Variants in PPP2R3C observed in about 807,000 individuals in gnomAD.
The protein encoded by PPP2R3C is serine/threonine-protein phosphatase 2A regulatory subunit B'' subunit gamma.
A neutral mutation model predicts 63.7 loss-of-function variants in PPP2R3C; 47 were observed. That is an observed-to-expected ratio of 0.74 (90% CI 0.58 to 0.94). The LOEUF (loss-of-function observed/expected upper bound fraction) is 0.94. Ranked by LOEUF, PPP2R3C falls within the 40% of genes least tolerant of loss-of-function variation. PPP2R3C has a pLI of 0.00. For synonymous variants in PPP2R3C, 180 were observed against 177.4 expected (o/e 1.01, Z -0.12); for missense variants, 421 against 518.4 (o/e 0.81, Z 1.82).
intron 2 of PPP2R3C, among the ~76,000 whole-genome samples, chr14:35,115,695 C>G (rs543550882): frequency 6.6e-6 from 1 of 152,256 alleles, no homozygotes; most frequent in South Asian, 2.1e-4. Context: ...GATCTGGGCT[C>G]ACTACAACCT....
Position 35,116,703 on chromosome 14 carries a change from T to G in PPP2R3C, c.93A>C (p.Glu31Asp). 1.3e-6 allele frequency: 2 copies of G among 1,594,608 alleles called. No individual in the cohort carries two copies. The highest frequency in any genetic ancestry group is 2.3e-5 in the South Asian group (2 of 88,588). Reference sequence around the variant, plus strand: ...AGTAATATTTTGTAAATAAATCCATTTCTTCATCTTTTAATTCTTGTTCAC... The same window carrying G: ...AGTAATATTTTGTAAATAAATCCATGTCTTCATCTTTTAATTCTTGTTCAC... ...KKSEQELKDE[E>D]MDLFTKYYSE... Residue 31 changes from glutamate (E) to aspartate (D), a missense_variant, in exon 2 of 13, where the codon GAA becomes GAC. Glu to Asp is a conservative substitution (Grantham distance 45). Around this residue, in one of 3 missense-constraint regions of PPP2R3C, gnomAD observed 143 missense variants for 151.2 expected, o/e 0.95. Transcript: ENST00000261475.
intron 11 of PPP2R3C, among the ~76,000 whole-genome samples, chr14:35,090,268 GTGTTGCTT>G (rs2045761294): frequency 7.4e-6 from 1 of 136,012 alleles, no homozygotes; most frequent in Non-Finnish European, 1.6e-5. Flanking sequence ...TTGAGACCGA[GTGTTGCTT>G]TGCTGCCCAA....
At chr14:35,103,056 T>C (rs561997531) in intron 6 of PPP2R3C, among the ~76,000 whole-genome samples, 33 of 152,300 alleles carry the variant, frequency 2.2e-4, no homozygotes, top group African/African-American at 7.9e-4. Context: ...CCACCGTGCC[T>C]GGCCGTACTT....
In PPP2R3C at chr14:35,095,066, G is replaced by C. The variant is rs750662036; in HGVS notation, c.957C>G (p.Leu319=). ...VFLDRVFQEC[L]TYDGEMDYKT... ...CTACTACCATTTCTCCATCATAAGT[G>C]AGACACTCCTGGAAAACACGGTCTA... The change falls in exon 10 of 13, where the codon CTC becomes CTG. Residue 319 remains leucine, a synonymous_variant. Transcript: ENST00000261475. The C allele has an allele frequency of 2.0e-5, 32 of 1,606,960 alleles. No individual in the cohort carries two copies. Among genetic ancestry groups the C allele is most frequent in the East Asian group, 2.2e-5 (1 of 44,838 alleles).
intron 4 of PPP2R3C, among the ~76,000 whole-genome samples, chr14:35,108,597 T>TG (rs2138686622): frequency 1.3e-5 from 2 of 152,142 alleles, no homozygotes; most frequent in East Asian, 3.9e-4. Context: ...GTATTTATAT[T>TG]GGCCCAGCCA....
chr14:35,089,966 G>A (rs983024711), intron 11 of PPP2R3C, among the ~76,000 whole-genome samples: 4 of 151,910 alleles, frequency 2.6e-5, no homozygotes, highest in Admixed American at 6.6e-5. Flanking sequence ...CAACCCGGCC[G>A]ATTTTTAAAT....
chr14:35,087,902 G>T (rs1458500520), intron 12 of PPP2R3C, 49 bp downstream of exon 12: 2 of 1,369,388 alleles, frequency 1.5e-6, no homozygotes, highest in South Asian at 2.4e-5. Context: ...TAATACAAAT[G>T]ACTATCTCAT....
chr14:35,118,114 G>GAAGT (rs774697926), intron 1 of PPP2R3C, among the ~76,000 whole-genome samples: 1 of 152,174 alleles, frequency 6.6e-6, no homozygotes, highest in Non-Finnish European at 1.5e-5. Flanking sequence ...ACTGACCACT[G>GAAGT]AAGTTAACAA....
chr14:35,110,433 G>A, intron 3 of PPP2R3C, 92 bp downstream of exon 3: 1 of 801,994 alleles, frequency 1.2e-6, no homozygotes, highest in Non-Finnish European at 2.0e-6. Context: ...CTGTAGTACG[G>A]ACTCCATTAG....
At position 35,121,901 on chromosome 14, in the gene PPP2R3C, CTGTT is replaced by C. The variant is rs770910652; in HGVS notation, c.55_58del (p.Asn19LysfsTer8). On this transcript the variant is annotated frameshift_variant and splice_region_variant, in exon 1 of 13. Transcript: ENST00000261475. LOFTEE classifies it high-confidence loss of function. ...AACGGGCTGCCCCTCCCAAAACTCACTGTTTGGACAGGTGTTGGGCGTCGCTAGG... is the reference window on the plus strand; with the variant it reads ...AACGGGCTGCCCCTCCCAAAACTCACTGGACAGGTGTTGGGCGTCGCTAGG... 4.8e-5 allele frequency: 78 copies of C among 1,614,034 alleles called. No individual in the cohort carries two copies. The highest frequency in any genetic ancestry group is 6.3e-5 in the Non-Finnish European group (74 of 1,180,012).
At chr14:35,090,378 A>C (rs2045767237) in intron 11 of PPP2R3C, among the ~76,000 whole-genome samples, 1 of 151,476 alleles carries the variant, frequency 6.6e-6, no homozygotes. Flanking sequence ...AGTAGCTGGG[A>C]TTACAGGCAT....
chr14:35,115,351 T>G (rs992040913), intron 2 of PPP2R3C, among the ~76,000 whole-genome samples: 4 of 150,750 alleles, frequency 2.7e-5, no homozygotes, highest in African/African-American at 9.8e-5. Context: ...AGAGACACGA[T>G]CTCACCAAGT....
chr14:35,105,463 GAGCCACCGCGCCC>G, intron 6 of PPP2R3C, among the ~76,000 whole-genome samples: 1 of 151,860 alleles, frequency 6.6e-6, no homozygotes, highest in African/African-American at 2.4e-5. Flanking sequence ...TTATAGGCAT[GAGCCACCGCGCCC>G]AGCCAAAAGG....
At position 35,085,770 on chromosome 14, in the gene PPP2R3C, G is replaced by T. The variant is rs1309971491; in HGVS notation, c.1182C>A (p.Ile394=). Residue 394 remains isoleucine, a synonymous_variant, in exon 13 of 13, where the codon ATC becomes ATA. Coordinates refer to ENST00000261475, the MANE Select transcript of PPP2R3C (RefSeq NM_017917.4). ...GATCCTTTGGTTTTACCATGTCAAA[G>T]ATTTCATCCTGCAAGAGAAAAAAAA... ...PVSFQDVKDE[I]FDMVKPKDPL... 1.9e-6 allele frequency: 3 copies of T among 1,598,366 alleles called. No individual in the cohort carries two copies. In the East Asian group the frequency reaches 6.7e-5, roughly 36 times the overall value.
intron 1 of PPP2R3C, among the ~76,000 whole-genome samples, chr14:35,119,686 A>AT (rs2046807634): frequency 6.6e-6 from 1 of 151,904 alleles, no homozygotes; most frequent in Non-Finnish European, 1.5e-5. Flanking sequence ...GATGGGTGAT[A>AT]TTAACAGCAC....
intron 6 of PPP2R3C, among the ~76,000 whole-genome samples, chr14:35,103,494 T>C (rs2046258472): frequency 6.6e-6 from 1 of 152,246 alleles, no homozygotes; most frequent in Non-Finnish European, 1.5e-5. Context: ...TGTTTTATTT[T>C]CTACATATAA....
intron 7 of PPP2R3C, among the ~76,000 whole-genome samples, chr14:35,097,045 C>T (rs1048860005): frequency 1.3e-5 from 2 of 152,110 alleles, no homozygotes; most frequent in African/African-American, 2.4e-5. Context: ...GAAACCCCAT[C>T]TCTACTAAAA....
At chr14:35,117,853 C>T (rs1177717842) in intron 1 of PPP2R3C, among the ~76,000 whole-genome samples, 1 of 152,082 alleles carries the variant, frequency 6.6e-6, no homozygotes, top group Non-Finnish European at 1.5e-5. Context: ...TGCCACCACG[C>T]CTGGCTAATT....
At chr14:35,105,324 AG>A (rs1350340057) in intron 6 of PPP2R3C, among the ~76,000 whole-genome samples, 2 of 151,870 alleles carry the variant, frequency 1.3e-5, no homozygotes, top group Admixed American at 6.6e-5. Flanking sequence ...CTGGGATTAC[AG>A]GTGGCCACCA....
Sources: gnomAD v4.1 joint callset for allele counts (sites outside exome capture counted in the v4.1 genomes callset) on GRCh38, gnomAD v4.1.1 for gene constraint, gnomAD v4.1.1 regional missense constraint, MANE v1.5 for transcripts, NCBI Gene and HGNC (gene_info 2026-07-23, HGNC 2026-07-21) for gene names.